The following AGBL4 variants were observed in gnomAD, a reference collection of about 807,000 sequenced individuals.
AGBL4 encodes the protein cytosolic carboxypeptidase 6.
In AGBL4, 58 loss-of-function variants were observed where a neutral mutation model predicts 66.4. The observed-to-expected ratio is 0.87, with a 90% CI of 0.71 to 1.09. The LOEUF is 1.09. Ranked by LOEUF, AGBL4 falls within the 50% of genes least tolerant of loss-of-function variation. AGBL4 has a pLI of 0.00. For synonymous variants in AGBL4, 234 were observed against 222.9 expected (o/e 1.05, Z -0.44); for missense variants, 579 against 631.0 (o/e 0.92, Z 0.88).
At chr1:49,832,517 T>C in intron 2 of AGBL4, among the ~76,000 whole-genome samples, 1 of 151,592 alleles carries the variant, frequency 6.6e-6, no homozygotes, top group Admixed American at 6.6e-5. Flanking sequence ...TACCCAGTAA[T>C]GGGATGGCTG....
At position 49,145,079 on chromosome 1, in the gene AGBL4, C is replaced by CA. The variant is rs1251570374; in HGVS notation, c.378-99280dup. Among the ~76,000 whole-genome samples the CA allele has an allele frequency of 4.0e-4, 61 of 152,066 alleles. 1 individual carries two copies. The highest frequency in any genetic ancestry group is 3.4e-3 in the Middle Eastern group (1 of 294). ...TTCTAGGAAAGGGAAACAATAGCAGCAAAAATGACCGGAATCCAGGATTTG... is the reference window on the plus strand; with the variant it reads ...TTCTAGGAAAGGGAAACAATAGCAGCAAAAAATGACCGGAATCCAGGATTTG... On this transcript the variant is annotated intron_variant, in intron 4 of 13. Transcript: ENST00000371839.
At chr1:48,823,520 T>A (rs1646361043) in intron 6 of AGBL4, among the ~76,000 whole-genome samples, 1 of 152,212 alleles carries the variant, frequency 6.6e-6, no homozygotes, top group African/African-American at 2.4e-5. Flanking sequence ...TAGAATGTAC[T>A]TCACCTTTGT....
intron 6 of AGBL4, among the ~76,000 whole-genome samples, chr1:48,764,179 A>G (rs1456197639): frequency 6.6e-6 from 1 of 152,204 alleles, no homozygotes; most frequent in African/African-American, 2.4e-5. Flanking sequence ...AGCATGGGAG[A>G]TCACTTCCGT....
At chr1:49,802,212 T>C (rs1644876905) in intron 2 of AGBL4, among the ~76,000 whole-genome samples, 1 of 152,114 alleles carries the variant, frequency 6.6e-6, no homozygotes, top group Non-Finnish European at 1.5e-5. Flanking sequence ...TGTTCATAGC[T>C]CTGGGAATGG....
At chr1:49,551,496 A>G (rs929353453) in intron 3 of AGBL4, among the ~76,000 whole-genome samples, 14 of 152,136 alleles carry the variant, frequency 9.2e-5, no homozygotes, top group Admixed American at 6.5e-4. Context: ...TGTTCCCTTC[A>G]TGTTGTACTC....
At chr1:49,359,993 G>A (rs1218539327) in intron 3 of AGBL4, among the ~76,000 whole-genome samples, 6 of 152,190 alleles carry the variant, frequency 3.9e-5, no homozygotes, top group Admixed American at 1.3e-4. Flanking sequence ...GAGTGTCGAC[G>A]TGCACCATGT....
intron 4 of AGBL4, among the ~76,000 whole-genome samples, chr1:49,120,009 T>G (rs1177622103): frequency 1.3e-5 from 2 of 152,272 alleles, no homozygotes; most frequent in Non-Finnish European, 2.9e-5. Context: ...AACACCTGCT[T>G]TTTTTTGCTT....
At chr1:49,117,480 C>A (rs1183668455) in intron 4 of AGBL4, among the ~76,000 whole-genome samples, 3 of 152,120 alleles carry the variant, frequency 2.0e-5, no homozygotes, top group African/African-American at 7.2e-5. Context: ...ATAGGGAATC[C>A]TTTCCCCACT....
At chr1:48,880,857 G>A (rs1649714554) in intron 5 of AGBL4, among the ~76,000 whole-genome samples, 1 of 152,018 alleles carries the variant, frequency 6.6e-6, no homozygotes, top group Non-Finnish European at 1.5e-5. Context: ...GTGACTTGGT[G>A]TATTCTGTTA....
intron 4 of AGBL4, among the ~76,000 whole-genome samples, chr1:49,118,102 T>A (rs901033994): frequency 6.6e-6 from 1 of 152,198 alleles, no homozygotes; most frequent in Non-Finnish European, 1.5e-5. Flanking sequence ...CTTATCAGCT[T>A]AAGGAGATTT....
At chr1:49,235,633 G>T (rs1044394758) in intron 4 of AGBL4, among the ~76,000 whole-genome samples, 14 of 152,200 alleles carry the variant, frequency 9.2e-5, no homozygotes, top group Non-Finnish European at 1.5e-4. Context: ...AAGGTGGAAG[G>T]AAGTAGTATA....
chr1:49,782,451 A>T (rs985082539), intron 2 of AGBL4, among the ~76,000 whole-genome samples: 1 of 152,204 alleles, frequency 6.6e-6, no homozygotes, highest in African/African-American at 2.4e-5. Flanking sequence ...TGATAAAAAG[A>T]TTAAGATTGT....
At chr1:49,542,068 A>G (rs1010365424) in intron 3 of AGBL4, among the ~76,000 whole-genome samples, 4 of 152,118 alleles carry the variant, frequency 2.6e-5, no homozygotes, top group Non-Finnish European at 4.4e-5. Context: ...GACTTGGAGA[A>G]CGTTTGTGTC....
chr1:49,788,111 G>A (rs1232449807), intron 2 of AGBL4, among the ~76,000 whole-genome samples: 1 of 152,130 alleles, frequency 6.6e-6, no homozygotes, highest in Non-Finnish European at 1.5e-5. Flanking sequence ...TGGGAGCTAG[G>A]CAAAGGTCAG....
chr1:49,491,887 T>G (rs942473208), intron 3 of AGBL4, among the ~76,000 whole-genome samples: 1 of 151,948 alleles, frequency 6.6e-6, no homozygotes, highest in African/African-American at 2.4e-5. Flanking sequence ...TAGAAAACCC[T>G]GTATATATTA....
At position 49,714,043 on chromosome 1, in the gene AGBL4, T is replaced by A. The variant is rs560661705; in HGVS notation, c.158-16606A>T. ...AATTGCCAAATTAACTTAATATATT[T>A]AAATATCATGACTATGCCAAGACGT... On this transcript the variant is annotated intron_variant, in intron 2 of 13. Transcript: ENST00000371839. Among the ~76,000 whole-genome samples the A allele has an allele frequency of 2.3e-4, 35 of 152,186 alleles. 1 individual carries two copies. The East Asian group carries it at 4.8e-3, about 21-fold the overall frequency.
At chr1:48,618,001 C>G (rs1040485674) in intron 9 of AGBL4, among the ~76,000 whole-genome samples, 1 of 152,148 alleles carries the variant, frequency 6.6e-6, no homozygotes, top group African/African-American at 2.4e-5. Flanking sequence ...GTCAGAAGAA[C>G]CGAGATTCAA....
intron 4 of AGBL4, among the ~76,000 whole-genome samples, chr1:49,230,109 A>G (rs1323893290): frequency 6.6e-6 from 1 of 152,168 alleles, no homozygotes; most frequent in Admixed American, 6.5e-5. Flanking sequence ...GAAGCTACCC[A>G]TGTAGCTGCT....
chr1:49,278,328 C>T (rs907940802), intron 3 of AGBL4, among the ~76,000 whole-genome samples: 1 of 152,132 alleles, frequency 6.6e-6, no homozygotes, highest in Non-Finnish European at 1.5e-5. Context: ...CTTCTCAGGA[C>T]AGACGAATAT....
Sources: gnomAD v4.1 joint callset for allele counts (sites outside exome capture counted in the v4.1 genomes callset) on GRCh38, gnomAD v4.1.1 for gene constraint, MANE v1.5 for transcripts, NCBI Gene and HGNC (gene_info 2026-07-23, HGNC 2026-07-21) for gene names.